FKTN: variants seen among roughly 807,000 people sequenced by gnomAD.
FKTN encodes ribitol-5-phosphate transferase FKTN.
FKTN carries 47 observed loss-of-function variants against 58.6 expected under a neutral mutation model. The observed-to-expected ratio is 0.80, with a 90% CI of 0.63 to 1.02. FKTN has a LOEUF of 1.02. Ranked by LOEUF, FKTN falls within the 50% of genes least tolerant of loss-of-function variation. FKTN has a pLI of 0.00. For synonymous variants in FKTN, 178 were observed against 191.9 expected, an observed-to-expected ratio of 0.93 and a Z score of 0.60; for missense variants, 516 against 537.3, an observed-to-expected ratio of 0.96 and a Z score of 0.39.
intron 5 of FKTN, among the ~76,000 whole-genome samples, chr9:105,603,109 A>G (rs1413662969): frequency 1.3e-5 from 2 of 152,222 alleles, no homozygotes; most frequent in Non-Finnish European, 2.9e-5. Context: ...GTTGATGGTT[A>G]TAAGAAAGCA....
Position 105,628,090 on chromosome 9 carries a change from T to C in FKTN, c.1173-6961T>C, listed in dbSNP as rs139096420. ...TCATTGTCTCTCTCAGCTTCACAGA[T>C]TGATACTGTGCTCCTACAGTTGTAA... On this transcript the variant is annotated intron_variant, in intron 10 of 10. Coordinates refer to ENST00000357998, the MANE Select transcript of FKTN (RefSeq NM_001079802.2). Among the ~76,000 whole-genome samples the C allele has an allele frequency of 1.8e-3, 275 of 152,332 alleles. 1 individual carries two copies. Among genetic ancestry groups the C allele is most frequent in the African/African-American group, 5.8e-3 (243 of 41,582 alleles).
At chr9:105,602,006 A>G (rs1827951154) in intron 5 of FKTN, among the ~76,000 whole-genome samples, 1 of 152,238 alleles carries the variant, frequency 6.6e-6, no homozygotes, top group African/African-American at 2.4e-5. Flanking sequence ...AAAGTAATTC[A>G]GATGCTTGTA....
At chr9:105,602,247 T>C (rs1472349858) in intron 5 of FKTN, among the ~76,000 whole-genome samples, 1 of 152,242 alleles carries the variant, frequency 6.6e-6, no homozygotes, top group African/African-American at 2.4e-5. Flanking sequence ...TGAAATTACA[T>C]AGTACACAGG....
intron 3 of FKTN, among the ~76,000 whole-genome samples, chr9:105,576,421 G>C (rs537217673): frequency 2.6e-5 from 4 of 151,684 alleles, no homozygotes; most frequent in Admixed American, 1.3e-4. Flanking sequence ...TGCGGTGTTT[G>C]GTTTTTTGTT....
rs751515600 is a variant in FKTN, at chr9:105,607,810, T to C, written c.648-9T>C. 19 of 1,612,140 alleles carry C rather than the reference T, an allele frequency of 1.2e-5. No individual in the cohort carries two copies. Among genetic ancestry groups the C allele is most frequent in the Non-Finnish European group, 1.6e-5 (19 of 1,178,542 alleles). ...CCCCTCATTAATAAATCTTAACTTT[T>C]GTTTTCAGGCCAGAGTTACAGCAAG... On this transcript the variant is annotated splice_polypyrimidine_tract_variant and intron_variant, in intron 6 of 10. Coordinates refer to ENST00000357998, the MANE Select transcript of FKTN (RefSeq NM_001079802.2).
intron 1 of FKTN, among the ~76,000 whole-genome samples, chr9:105,561,098 A>C (rs988797679): frequency 8.6e-5 from 13 of 152,036 alleles, no homozygotes; most frequent in Admixed American, 2.0e-4. Context: ...AAACAAAAAA[A>C]AAAACAAAAC....
At chr9:105,586,949 A>G (rs574845129) in intron 3 of FKTN, among the ~76,000 whole-genome samples, 2 of 152,344 alleles carry the variant, frequency 1.3e-5, no homozygotes, top group South Asian at 4.1e-4. Context: ...ATTGCCAATC[A>G]GGTCCTAAAA....
intron 6 of FKTN, 45 bp from the exon 7 acceptor site, chr9:105,607,774 T>C (rs2132895675): frequency 6.4e-7 from 1 of 1,571,244 alleles, no homozygotes; most frequent in Non-Finnish European, 8.8e-7. Flanking sequence ...TCTCCCTCCC[T>C]GTTTCCCCCA....
chr9:105,580,304 C>T (rs1297657098), intron 3 of FKTN, among the ~76,000 whole-genome samples: 3 of 152,078 alleles, frequency 2.0e-5, no homozygotes, highest in Non-Finnish European at 2.9e-5. Context: ...GCAGCTGGTA[C>T]CGGTTGTTCC....
chr9:105,632,758 A>T (rs910013148), intron 10 of FKTN, among the ~76,000 whole-genome samples: 3 of 152,200 alleles, frequency 2.0e-5, no homozygotes, highest in African/African-American at 7.2e-5. Context: ...TAGAAAATGG[A>T]TGGAAGGATT....
chr9:105,591,130 A>G (rs1844791488), intron 3 of FKTN, among the ~76,000 whole-genome samples: 1 of 152,114 alleles, frequency 6.6e-6, no homozygotes, highest in South Asian at 2.1e-4. Context: ...GGGGATTACA[A>G]TTTGACATGA....
chr9:105,569,372 A>T (rs1410013952), intron 1 of FKTN, among the ~76,000 whole-genome samples: 1 of 152,094 alleles, frequency 6.6e-6, no homozygotes, highest in Admixed American at 6.5e-5. Flanking sequence ...TTGAACTCCA[A>T]ATCCTGTACC....
intron 1 of FKTN, among the ~76,000 whole-genome samples, chr9:105,571,290 A>G (rs1320462078): frequency 2.6e-5 from 4 of 152,172 alleles, no homozygotes; most frequent in African/African-American, 9.6e-5. Context: ...TCAACATACT[A>G]TGGCTTCTTT....
intron 9 of FKTN, 66 bp from the exon 10 acceptor site, chr9:105,619,868 A>T (rs1831536304): frequency 2.4e-5 from 33 of 1,389,374 alleles, no homozygotes; most frequent in Non-Finnish European, 3.1e-5. Context: ...TTTATTTTTT[A>T]AAAAAAGGTT....
Position 105,638,867 on chromosome 9 carries a change from G to A in FKTN, c.*3603G>A, listed in dbSNP as rs1834237675. 3 of 984,930 alleles carry A rather than the reference G, an allele frequency of 3.0e-6. No homozygotes were observed. Among genetic ancestry groups the A allele is most frequent in the Non-Finnish European group, 3.6e-6 (3 of 829,566 alleles). The allele number at this position is 984,930 out of a possible 1,614,324, so 61.0% of individuals were successfully genotyped here. On this transcript the variant is annotated 3_prime_UTR_variant, in exon 11 of 11. Coordinates refer to ENST00000357998, the MANE Select transcript of FKTN (RefSeq NM_001079802.2). ...TTGTTTTTATTCTTACACGACTACA[G>A]TACTTCAAATGGCACATAGATAGGC... is the stretch of plus-strand genomic sequence containing the variant.
intron 1 of FKTN, among the ~76,000 whole-genome samples, chr9:105,572,896 T>A (rs1840994957): frequency 6.8e-6 from 1 of 146,090 alleles, no homozygotes; most frequent in Non-Finnish European, 1.5e-5. Context: ...TACACCCTTA[T>A]TTCTTTCTTC....
At chr9:105,593,659 CAGGGAAGT>C (rs1845312124) in intron 3 of FKTN, among the ~76,000 whole-genome samples, 1 of 152,038 alleles carries the variant, frequency 6.6e-6, no homozygotes, top group Non-Finnish European at 1.5e-5. Context: ...TCCAACACAT[CAGGGAAGT>C]AGGAAGAACT....
chr9:105,589,814 A>G (rs932840015), intron 3 of FKTN, among the ~76,000 whole-genome samples: 11 of 152,190 alleles, frequency 7.2e-5, no homozygotes, highest in African/African-American at 2.7e-4. Context: ...GAAGCATACT[A>G]GGTAGAAAAC....
Position 105,635,072 on chromosome 9 carries a change from A to G in FKTN, c.1194A>G (p.Thr398=), listed in dbSNP as rs1833922498. The G allele has an allele frequency of 3.7e-6, 6 of 1,614,042 alleles. No individual in the cohort carries two copies. The highest frequency in any genetic ancestry group is 5.1e-6 in the Non-Finnish European group (6 of 1,180,014). ...GCAGATACCTGTTTCCGAAGTTTAC[A>G]CTGTGCTGGACTGAGTTTGTAGACA... The part of the protein sequence containing the change: ...KKFKYLFPKF[T]LCWTEFVDMK... The change falls in exon 11 of 11, where the codon ACA becomes ACG. Residue 398 remains threonine (T), a synonymous_variant. Transcript: ENST00000357998.
Sources: gnomAD v4.1 joint callset for allele counts (sites outside exome capture counted in the v4.1 genomes callset) on GRCh38, gnomAD v4.1.1 for gene constraint, MANE v1.5 for transcripts, NCBI Gene and HGNC (gene_info 2026-07-23, HGNC 2026-07-21) for gene names.